FRAS1: variants seen among roughly 807,000 people sequenced by gnomAD.
FRAS1 encodes the protein Fraser extracellular matrix complex subunit 1, also known as extracellular matrix organizing protein FRAS1.
FRAS1 carries 290 observed loss-of-function variants against 435.2 expected under a neutral mutation model. The ratio of observed to expected loss-of-function variants is 0.67; its 90% confidence interval spans 0.61 to 0.73. The LOEUF (loss-of-function observed/expected upper bound fraction) is 0.73. Among genes scored for constraint, FRAS1 ranks in the 30% least tolerant of loss-of-function variants. FRAS1 has a pLI of 0.00. For missense variants in FRAS1, 4,860 were observed against 5,001.5 expected (o/e 0.97, Z 0.85); for synonymous variants, 1,800 against 1,851.0 (o/e 0.97, Z 0.71).
intron 2 of FRAS1, among the ~76,000 whole-genome samples, chr4:78,113,498 T>C (rs377549735): frequency 0.063 from 9,516 of 152,184 alleles, 810 homozygotes; most frequent in African/African-American, 0.19. Context: ...TGTTGTTTCC[T>C]GACTTTTTAA....
At chr4:78,161,064 A>G (rs1183750233) in intron 2 of FRAS1, among the ~76,000 whole-genome samples, 2 of 152,096 alleles carry the variant, frequency 1.3e-5, no homozygotes, top group African/African-American at 4.8e-5. Flanking sequence ...GCTGGAACCC[A>G]GAAAGCAGAT....
intron 2 of FRAS1, among the ~76,000 whole-genome samples, chr4:78,094,697 C>G (rs1386562700): frequency 6.6e-6 from 1 of 152,060 alleles, no homozygotes; most frequent in African/African-American, 2.4e-5. Context: ...AGATTGTTTT[C>G]AAGAACTTTA....
intron 15 of FRAS1, among the ~76,000 whole-genome samples, chr4:78,309,483 T>C (rs1728929803): frequency 6.6e-6 from 1 of 152,202 alleles, no homozygotes; most frequent in Admixed American, 6.5e-5. Context: ...GAGGTAGATA[T>C]AACCATTCTC....
At chr4:78,513,915 C>G (rs1371036795) in intron 65 of FRAS1, among the ~76,000 whole-genome samples, 1 of 152,194 alleles carries the variant, frequency 6.6e-6, no homozygotes, top group Non-Finnish European at 1.5e-5. Context: ...TCTTCATTCC[C>G]TTAGAGTGAG....
In FRAS1 at chr4:78,384,071, T is replaced by C; in HGVS notation, c.3576T>C (p.Leu1192=). The C allele has an allele frequency of 6.2e-7, 1 of 1,608,508 alleles. No homozygotes were observed. Among genetic ancestry groups the C allele is most frequent in the East Asian group, 2.2e-5 (1 of 44,658 alleles). The change falls in exon 28 of 74, where the codon CTT becomes CTC. Residue 1192 remains leucine, a synonymous_variant. Coordinates refer to ENST00000512123, the MANE Select transcript of FRAS1 (RefSeq NM_025074.7). ...HSKEKLRKGY[L]FLKISDQQFF... is the part of the protein sequence containing the mutation. The stretch of plus-strand genomic sequence containing the variant: ...GGGACTTCTTTAGGAAAGGTTACCT[T>C]TTCCTGAAAATTAGTGACCAGCAGT...
chr4:78,209,595 T>C (rs1723417833), intron 2 of FRAS1, among the ~76,000 whole-genome samples: 1 of 152,110 alleles, frequency 6.6e-6, no homozygotes, highest in Non-Finnish European at 1.5e-5. Context: ...CTGTCAATAG[T>C]CTATATCTTA....
intron 2 of FRAS1, among the ~76,000 whole-genome samples, chr4:78,216,858 AG>A (rs1723789096): frequency 6.6e-6 from 1 of 152,212 alleles, no homozygotes; most frequent in South Asian, 2.1e-4. Flanking sequence ...GTCAGAGAAA[AG>A]AAACCTTTAT....
At chr4:78,513,277 G>T in intron 64 of FRAS1, 115 bp from the exon 65 acceptor site, 1 of 1,001,586 alleles carries the variant, frequency 1.0e-6, no homozygotes, top group South Asian at 1.5e-5. Context: ...GCTTCAGGAA[G>T]AAAAAAAAAT....
At chr4:78,476,014 G>A (rs1330360023) in intron 54 of FRAS1, among the ~76,000 whole-genome samples, 1 of 152,194 alleles carries the variant, frequency 6.6e-6, no homozygotes, top group East Asian at 1.9e-4. Flanking sequence ...ATGGGAGCTT[G>A]GGCTTCGATT....
intron 2 of FRAS1, among the ~76,000 whole-genome samples, chr4:78,223,969 T>G (rs1245265244): frequency 6.6e-6 from 1 of 152,214 alleles, no homozygotes; most frequent in Non-Finnish European, 1.5e-5. Context: ...TTATGTCATG[T>G]GCCTTTATGG....
At chr4:78,286,988 GT>G (rs11304084) in intron 14 of FRAS1, among the ~76,000 whole-genome samples, 4,753 of 152,238 alleles carry the variant, frequency 0.031, 256 homozygotes, top group African/African-American at 0.11. Flanking sequence ...GTATTAGTCT[GT>G]TTTCACACTG....
chr4:78,226,716 T>C (rs1207186222), intron 2 of FRAS1, among the ~76,000 whole-genome samples: 1 of 152,134 alleles, frequency 6.6e-6, no homozygotes, highest in Non-Finnish European at 1.5e-5. Flanking sequence ...AATTTGTGGC[T>C]TGGTATTTTT....
intron 6 of FRAS1, among the ~76,000 whole-genome samples, chr4:78,256,451 C>T (rs1436529578): frequency 6.6e-6 from 1 of 152,124 alleles, no homozygotes; most frequent in Non-Finnish European, 1.5e-5. Flanking sequence ...GGCCTAGTCC[C>T]TTGGGGTAGG....
intron 22 of FRAS1, among the ~76,000 whole-genome samples, chr4:78,364,425 G>C (rs1197121225): frequency 1.3e-5 from 2 of 152,176 alleles, no homozygotes; most frequent in Non-Finnish European, 2.9e-5. Context: ...AGTGGAGCTT[G>C]CTCTAGTATG....
chr4:78,530,819 C>T (rs748195582), intron 70 of FRAS1, among the ~76,000 whole-genome samples: 2 of 152,084 alleles, frequency 1.3e-5, no homozygotes, highest in South Asian at 2.1e-4. Context: ...CTTGGGTATA[C>T]GGGTTCTTTT....
intron 41 of FRAS1, among the ~76,000 whole-genome samples, chr4:78,443,820 G>A (rs1031643665): frequency 6.6e-5 from 10 of 152,130 alleles, no homozygotes; most frequent in African/African-American, 1.9e-4. Flanking sequence ...TTATATTTGT[G>A]TATATTTTTA....
rs759312147 is a variant in FRAS1, at chr4:78,511,412, C to A, written c.9919C>A (p.Pro3307Thr). The A allele has an allele frequency of 6.2e-7, 1 of 1,613,894 alleles. No homozygotes were observed. The highest frequency in any genetic ancestry group is 8.5e-7 in the Non-Finnish European group (1 of 1,179,818). The change falls in exon 64 of 74, where the codon CCA becomes ACA. Residue 3307 changes from proline to threonine, a missense_variant. By Grantham distance (38) the Pro-to-Thr change is conservative (BLOSUM62 -1). Coordinates refer to ENST00000512123, the MANE Select transcript of FRAS1 (RefSeq NM_025074.7). ...IGTDSAICHT[P>T]VVAGTSRGFQ... ...AACAGACAGTGCTATCTGCCACACACCAGTGGTGGCTGGGACATCCAGAGG... is the reference window on the plus strand; with the variant it reads ...AACAGACAGTGCTATCTGCCACACAACAGTGGTGGCTGGGACATCCAGAGG...
chr4:78,491,921 A>G (rs1720364041), intron 59 of FRAS1, among the ~76,000 whole-genome samples: 1 of 152,214 alleles, frequency 6.6e-6, no homozygotes, highest in Non-Finnish European at 1.5e-5. Context: ...CTCAGCCCCA[A>G]ATCTCCTTAA....
intron 68 of FRAS1, among the ~76,000 whole-genome samples, chr4:78,522,407 C>T (rs1721411229): frequency 6.6e-6 from 1 of 152,102 alleles, no homozygotes. Flanking sequence ...AAGGAATATT[C>T]CTATTGTTTA....
Sources: gnomAD v4.1 joint callset for allele counts (sites outside exome capture counted in the v4.1 genomes callset) on GRCh38, gnomAD v4.1.1 for gene constraint, MANE v1.5 for transcripts, NCBI Gene and HGNC (gene_info 2026-07-23, HGNC 2026-07-21) for gene names.